WNT6: variants seen among roughly 807,000 people sequenced by gnomAD.
The protein encoded by WNT6 is protein Wnt-6.
WNT6 carries 27 observed loss-of-function variants against 33.1 expected under a neutral mutation model. That is an observed-to-expected ratio of 0.82 (90% CI 0.60 to 1.12). WNT6 has a LOEUF of 1.12. WNT6 is among the 50% of genes most tolerant of loss of function. The pLI, the probability that WNT6 is intolerant of heterozygous loss-of-function variation, is 0.00. For synonymous variants in WNT6, 249 were observed against 242.8 expected (o/e 1.03, Z -0.24); for missense variants, 494 against 535.3 (o/e 0.92, Z 0.76).
Position 218,871,090 on chromosome 2 carries a change from C to G in WNT6, c.144C>G (p.Ala48=), listed in dbSNP as rs376257737. ...TSICRKARRL[A]GRQAELCQAE... The stretch of plus-strand genomic sequence containing the variant: ...TCTGCAGGAAGGCACGGCGGCTGGC[C>G]GGGCGGCAGGCCGAGTTGTGCCAGG... Residue 48 remains alanine, a synonymous_variant, in exon 2 of 4, where the codon GCC becomes GCG. Transcript: ENST00000233948. This position sits in a 1 kb window ranked among gnomAD's most constrained non-coding sequence, Gnocchi z 6.4. 6.4e-5 allele frequency: 104 copies of G among 1,613,396 alleles called. No individual in the cohort carries two copies. In the East Asian group the frequency reaches 2.1e-3, roughly 32 times the overall value.
intron 3 of WNT6, among the ~76,000 whole-genome samples, chr2:218,872,351 G>A (rs569157331): frequency 6.6e-6 from 1 of 152,336 alleles, no homozygotes; most frequent in East Asian, 1.9e-4. Context: ...CGAAGGACAA[G>A]GAACCAATCC....
Position 218,872,113 on chromosome 2 carries a change from T to A in WNT6, c.636+294T>A, listed in dbSNP as rs977374278. Among the ~76,000 whole-genome samples, 47 of 151,972 alleles carry A rather than the reference T, an allele frequency of 3.1e-4. 1 individual carries two copies. The highest frequency in any genetic ancestry group is 1.0e-4 in the Non-Finnish European group (7 of 67,992). On this transcript the variant is annotated intron_variant, in intron 3 of 3. Transcript: ENST00000233948. ...AGGGAATAGGACTGAGGGTCTTTAG[T>A]GACCCCAGGCAGAGAGGGCACAGCT...
chr2:218,866,944 C>T (rs1415010817), intron 1 of WNT6, among the ~76,000 whole-genome samples: 29 of 152,234 alleles, frequency 1.9e-4, no homozygotes, highest in South Asian at 2.1e-4. Flanking sequence ...AGAGGCGCCC[C>T]GGGTGATGCA....
intron 1 of WNT6, among the ~76,000 whole-genome samples, chr2:218,865,191 A>G (rs535350962): frequency 3.9e-5 from 6 of 152,202 alleles, no homozygotes; most frequent in African/African-American, 9.6e-5. Context: ...CAGAATGTGC[A>G]CTATGATGGA....
chr2:218,869,576 C>T (rs1944382657), intron 1 of WNT6, among the ~76,000 whole-genome samples: 1 of 152,184 alleles, frequency 6.6e-6, no homozygotes, highest in Non-Finnish European at 1.5e-5. Flanking sequence ...CCCACCCTGT[C>T]CTCTGCTGAA....
rs563395605 is a variant in WNT6 at position 218,870,049 on chromosome 2, T to C, written c.81-978T>C. The stretch of plus-strand genomic sequence containing the variant: ...AGCTTGGCCAACATGGTGAAACTTG[T>C]CTCTACTAAAAGTACAAAAAAATTA... On this transcript the variant is annotated intron_variant, in intron 1 of 3. Coordinates refer to ENST00000233948, the MANE Select transcript of WNT6 (RefSeq NM_006522.4). Among the ~76,000 whole-genome samples, 46 of 152,094 alleles carry C rather than the reference T, an allele frequency of 3.0e-4. 1 individual carries two copies. The highest frequency in any genetic ancestry group is 8.8e-5 in the Non-Finnish European group (6 of 67,976).
Position 218,873,251 on chromosome 2 carries a change from G to A in WNT6, c.637-133G>A. On this transcript the variant is annotated intron_variant, in intron 3 of 3. Coordinates refer to ENST00000233948, the MANE Select transcript of WNT6 (RefSeq NM_006522.4). The surrounding 1 kb of genome is among the most constrained non-coding windows in gnomAD (Gnocchi z 6.1). Reference sequence around the variant, plus strand: ...TCCTTGATTTCCTCCCCCTGAACTTGCGGTCTCCTTTTGTCTGCATTTTCC... The same window carrying A: ...TCCTTGATTTCCTCCCCCTGAACTTACGGTCTCCTTTTGTCTGCATTTTCC... 1.2e-6 allele frequency: 1 copy of A among 850,734 alleles called. No homozygotes were observed. Among genetic ancestry groups the A allele is most frequent in the Non-Finnish European group, 1.8e-6 (1 of 565,466 alleles). The allele number at this position is 850,734 out of a possible 1,614,324, so 52.7% of individuals were successfully genotyped here.
Position 218,859,913 on chromosome 2 carries a change from T to A in WNT6, c.-125T>A. ...GATGGGCCCCCCCGCCGCCGCCGGATCCCTCGCCTCCCGGCCGCCGCCGTT... is the reference window on the plus strand; with the variant it reads ...GATGGGCCCCCCCGCCGCCGCCGGAACCCTCGCCTCCCGGCCGCCGCCGTT... On this transcript the variant is annotated 5_prime_UTR_variant, in exon 1 of 4. Coordinates refer to ENST00000233948, the MANE Select transcript of WNT6 (RefSeq NM_006522.4). 1.4e-6 allele frequency: 1 copy of A among 711,332 alleles called. No homozygotes were observed. The highest frequency in any genetic ancestry group is 1.8e-6 in the Non-Finnish European group (1 of 549,884). The allele number at this position is 711,332 out of a possible 1,614,324, so 44.1% of individuals were successfully genotyped here.
In WNT6 at chr2:218,871,935, T is replaced by A; in HGVS notation, c.636+116T>A. 4.1e-6 allele frequency: 1 copy of A among 245,930 alleles called. No homozygotes were observed. Among genetic ancestry groups the A allele is most frequent in the East Asian group, 1.3e-4 (1 of 7,678 alleles). The allele number at this position is 245,930 out of a possible 1,614,324, so 15.2% of individuals were successfully genotyped here. A position where few individuals can be genotyped will look rare whatever the true frequency, so the allele number is the denominator to read the frequency against. ...GTGTAGGTGGAGGGGGGCGTTAATG[T>A]GTGGGGGAGTGCGCACGGGCGGAAA... On this transcript the variant is annotated intron_variant, in intron 3 of 3. Transcript: ENST00000233948. The surrounding 1 kb of genome is among the most constrained non-coding windows in gnomAD (Gnocchi z 6.4).
At chr2:218,870,445 TG>T (rs1944390681) in intron 1 of WNT6, among the ~76,000 whole-genome samples, 1 of 152,036 alleles carries the variant, frequency 6.6e-6, no homozygotes, top group Non-Finnish European at 1.5e-5. Flanking sequence ...ATGGAGAGGG[TG>T]TGACTTTTCT....
At chr2:218,864,710 G>GGACA (rs1181653186) in intron 1 of WNT6, among the ~76,000 whole-genome samples, 1 of 152,128 alleles carries the variant, frequency 6.6e-6, no homozygotes, top group African/African-American at 2.4e-5. Context: ...CAGAGGCCTA[G>GGACA]GACAGCCTCA....
chr2:218,871,544 A>T lies in WNT6; in HGVS notation c.361A>T (p.Thr121Ser). The T allele has an allele frequency of 3.8e-6, 6 of 1,598,782 alleles. No homozygotes were observed. Among genetic ancestry groups the T allele is most frequent in the Non-Finnish European group, 5.1e-6 (6 of 1,179,336 alleles). The change falls in exon 3 of 4, where the codon ACG becomes TCG. Residue 121 changes from threonine to serine, a missense_variant. Coordinates refer to ENST00000233948, the MANE Select transcript of WNT6 (RefSeq NM_006522.4). The surrounding 1 kb of genome is among the most constrained non-coding windows in gnomAD (Gnocchi z 6.4). Reference protein sequence around the residue: ...ITAAGASHAVTQACSMGELLQ... With the variant: ...ITAAGASHAVSQACSMGELLQ... ...TGCGGCCGGCGCCAGCCACGCCGTC[A>T]CGCAGGCCTGTTCTATGGGCGAGCT...
rs375560904 is a variant in WNT6 at position 218,871,194 on chromosome 2, G to A, written c.248G>A (p.Arg83His). Residue 83 changes from arginine to histidine, a missense_variant, in exon 2 of 4, where the codon CGC becomes CAC. By Grantham distance (29) the Arg-to-His change is conservative (BLOSUM62 0). Coordinates refer to ENST00000233948, the MANE Select transcript of WNT6 (RefSeq NM_006522.4). The surrounding 1 kb of genome is among the most constrained non-coding windows in gnomAD (Gnocchi z 6.4). ...GAGTGCCAGTTCCAGTTCCGCTTCC[G>A]CCGCTGGAATTGCTCCAGCCACAGC... is the stretch of plus-strand genomic sequence containing the variant. ...VRECQFQFRF[R>H]RWNCSSHSKA... The A allele has an allele frequency of 1.3e-5, 21 of 1,613,428 alleles. No individual in the cohort carries two copies. The highest frequency in any genetic ancestry group is 1.7e-5 in the Admixed American group (1 of 60,004).
chr2:218,871,094 C>A lies in WNT6; in HGVS notation c.148C>A (p.Arg50=), dbSNP rs751343972. The stretch of plus-strand genomic sequence containing the variant: ...CAGGAAGGCACGGCGGCTGGCCGGG[C>A]GGCAGGCCGAGTTGTGCCAGGCTGA... ...ICRKARRLAG[R]QAELCQAEPE... The change falls in exon 2 of 4, where the codon CGG becomes AGG. Residue 50 remains arginine (R), a synonymous_variant. Transcript: ENST00000233948. The surrounding 1 kb of genome is among the most constrained non-coding windows in gnomAD (Gnocchi z 6.4). 2.4e-5 allele frequency: 39 copies of A among 1,613,240 alleles called. No homozygotes were observed. Among genetic ancestry groups the A allele is most frequent in the Middle Eastern group, 1.6e-4 (1 of 6,082 alleles).
chr2:218,864,641 C>T (rs1015863997), intron 1 of WNT6, among the ~76,000 whole-genome samples: 5 of 152,208 alleles, frequency 3.3e-5, no homozygotes, highest in Admixed American at 6.5e-5. Flanking sequence ...AGTGTCACTC[C>T]CTTCCCCCAT....
Position 218,873,499 on chromosome 2 carries a change from TG to T in WNT6, c.754del (p.Glu252SerfsTer98). 6.5e-7 allele frequency: 1 copy of T among 1,538,736 alleles called. No individual in the cohort carries two copies. Among genetic ancestry groups the T allele is most frequent in the Non-Finnish European group, 8.7e-7 (1 of 1,146,512 alleles). ...TTTCGCGAGGTGGGCGCGCGGCTGC[TG>T]GAGCGCTTCCACGGCGCCTCACGCG... is the stretch of plus-strand genomic sequence containing the variant. Reference protein sequence around the residue: ...PPFREVGARLLERFHGASRVM... With the variant: ...PPFREVGARLXERFHGASRVM... On this transcript the variant is annotated frameshift_variant, in exon 4 of 4. Coordinates refer to ENST00000233948, the MANE Select transcript of WNT6 (RefSeq NM_006522.4). LOFTEE classifies it high-confidence loss of function. The surrounding 1 kb of genome is among the most constrained non-coding windows in gnomAD (Gnocchi z 6.1).
In WNT6 at chr2:218,873,602, C is replaced by G; in HGVS notation, c.855C>G (p.Leu285=). Residue 285 remains leucine, a synonymous_variant, in exon 4 of 4, where the codon CTC becomes CTG. Transcript: ENST00000233948. This position sits in a 1 kb window ranked among gnomAD's most constrained non-coding sequence, Gnocchi z 6.1. ...AGCCGCCGGGCCGAGCGGACCTCCT[C>G]TACGCCGCCGATTCGCCCGACTTCT... ...TLKPPGRADL[L]YAADSPDFCA... The G allele has an allele frequency of 1.3e-6, 2 of 1,559,058 alleles. No individual in the cohort carries two copies. Among genetic ancestry groups the G allele is most frequent in the Non-Finnish European group, 1.7e-6 (2 of 1,157,812 alleles).
intron 1 of WNT6, among the ~76,000 whole-genome samples, chr2:218,864,557 G>A (rs545302477): frequency 1.6e-4 from 25 of 152,246 alleles, no homozygotes; most frequent in African/African-American, 4.3e-4. Context: ...GTGAGCCACC[G>A]CGCCCAGCCC....
Position 218,871,664 on chromosome 2 carries a change from C to G in WNT6, c.481C>G (p.Pro161Ala), listed in dbSNP as rs763752944. ...TPGPPGPAGS[P>A]EGSAAWEWGG... ...CGGACCCCCTGGCCCCGCGGGCTCC[C>G]CGGAAGGCAGCGCCGCCTGGGAGTG... The change falls in exon 3 of 4, where the codon CCG becomes GCG. Residue 161 changes from proline (P) to alanine (A), a missense_variant. Physicochemically the swap from Pro to Ala is conservative, Grantham distance 27 (BLOSUM62 -1). Transcript: ENST00000233948. The surrounding 1 kb of genome is among the most constrained non-coding windows in gnomAD (Gnocchi z 6.4). The G allele has an allele frequency of 6.5e-7, 1 of 1,541,514 alleles. No homozygotes were observed. The highest frequency in any genetic ancestry group is 1.2e-5 in the South Asian group (1 of 82,760).
Sources: gnomAD v4.1 joint callset for allele counts (sites outside exome capture counted in the v4.1 genomes callset) on GRCh38, gnomAD v4.1.1 for gene constraint, Gnocchi (gnomAD v3.1) non-coding constraint, MANE v1.5 for transcripts, NCBI Gene and HGNC (gene_info 2026-07-23, HGNC 2026-07-21) for gene names.